Variants in IGF1R observed in about 807,000 individuals in gnomAD.
The protein encoded by IGF1R is insulin like growth factor 1 receptor, also known as insulin-like growth factor 1 receptor.
Under a neutral mutation model 144.6 loss-of-function variants are expected in IGF1R, and 44 were observed. The ratio of observed to expected loss-of-function variants is 0.30; its 90% CI spans 0.24 to 0.39. The LOEUF (loss-of-function observed/expected upper bound fraction) is 0.39. Ranked by LOEUF, IGF1R falls within the 10% of genes least tolerant of loss-of-function variation. IGF1R has a pLI of 1.00. For missense variants in IGF1R, 1,355 were observed against 1,833.7 expected (o/e 0.74, Z 4.77); for synonymous variants, 795 against 722.8 (o/e 1.10, Z -1.60).
chr15:98,885,382 G>A (rs192585513), intron 2 of IGF1R, among the ~76,000 whole-genome samples: 3 of 152,250 alleles, frequency 2.0e-5, no homozygotes, highest in Admixed American at 6.5e-5. Context: ...AGAGCCCCTC[G>A]CTTGCCCTCA....
At chr15:98,671,183 T>G (rs1425556326) in intron 1 of IGF1R, among the ~76,000 whole-genome samples, 1 of 152,234 alleles carries the variant, frequency 6.6e-6, no homozygotes, top group Admixed American at 6.5e-5. Context: ...CTGAAAGCAT[T>G]CATGCAGGTT....
chr15:98,824,304 C>A (rs1365568387), intron 2 of IGF1R: 1 of 152,230 alleles, frequency 6.6e-6, no homozygotes, highest in African/African-American at 2.4e-5. Context: ...CTATCTCTTT[C>A]ACTCTTCTGA....
intron 14 of IGF1R, 36 bp downstream of exon 14, chr15:98,929,696 C>A (rs2151701837): frequency 1.5e-6 from 2 of 1,377,512 alleles, no homozygotes; most frequent in Non-Finnish European, 2.1e-6. Context: ...CTTTCTGTGG[C>A]TGAGTGGTTT....
intron 2 of IGF1R, chr15:98,873,954 ACTG>A (rs1165419364): frequency 6.6e-6 from 1 of 152,218 alleles, no homozygotes; most frequent in Non-Finnish European, 1.5e-5. Context: ...TCCGGTCAGA[ACTG>A]CTGCCTACCA....
chr15:98,924,489 T>G (rs1036367329), intron 12 of IGF1R, 36 bp from the exon 13 acceptor site: 1 of 1,611,144 alleles, frequency 6.2e-7, no homozygotes, highest in Middle Eastern at 1.7e-4. Context: ...TCTCCTGCAT[T>G]CATGGGAAAT....
rs1201603650 is a variant in IGF1R at position 98,911,332 on chromosome 15, C to T, written c.1480C>T (p.His494Tyr). The change falls in exon 7 of 21, where the codon CAT (histidine) becomes TAT (tyrosine). Residue 494 changes from histidine (H) to tyrosine (Y), a missense_variant. Around this residue, in one of 7 missense-constraint regions of IGF1R, gnomAD observed 880 missense variants for 1,202.7 expected, o/e 0.73. Transcript: ENST00000650285. ...ERASCESDVL[H>Y]FTSTTTSKNR... ...TGCCCCAGGTGAAAGTGACGTCCTGCATTTCACCTCCACCACCACGTCGAA... is the reference window on the plus strand; with the variant it reads ...TGCCCCAGGTGAAAGTGACGTCCTGTATTTCACCTCCACCACCACGTCGAA... 3.1e-6 allele frequency: 5 copies of T among 1,614,156 alleles called. No individual in the cohort carries two copies. The African/African-American group carries it at 4.0e-5, about 13-fold the overall frequency.
intron 1 of IGF1R, 84 bp downstream of exon 1, chr15:98,649,759 A>G: frequency 1.9e-6 from 2 of 1,055,714 alleles, no homozygotes; most frequent in East Asian, 5.0e-5. Flanking sequence ...CCGAGTTGCC[A>G]CCGTCGCAGC....
chr15:98,659,262 G>A (rs1196871072), intron 1 of IGF1R, among the ~76,000 whole-genome samples: 1 of 152,022 alleles, frequency 6.6e-6, no homozygotes, highest in Non-Finnish European at 1.5e-5. Context: ...GTAAACGATG[G>A]TCATCCCCCT....
chr15:98,693,351 T>G (rs1180733350), intron 1 of IGF1R, among the ~76,000 whole-genome samples: 1 of 152,198 alleles, frequency 6.6e-6, no homozygotes, highest in East Asian at 1.9e-4. Context: ...TTTGAGACTT[T>G]GGGTTTTGTT....
chr15:98,679,759 A>G (rs958727220), intron 1 of IGF1R, among the ~76,000 whole-genome samples: 7 of 152,232 alleles, frequency 4.6e-5, no homozygotes, highest in African/African-American at 1.7e-4. Context: ...CAGGTCCTTC[A>G]GGAGGTATCC....
At chr15:98,731,015 C>T (rs994577021) in intron 2 of IGF1R, among the ~76,000 whole-genome samples, 1 of 152,214 alleles carries the variant, frequency 6.6e-6, no homozygotes, top group African/African-American at 2.4e-5. Flanking sequence ...AGCTAACTTC[C>T]AGCAAGGCTG....
chr15:98,749,988 A>G (rs2054968698), intron 2 of IGF1R, among the ~76,000 whole-genome samples: 1 of 151,490 alleles, frequency 6.6e-6, no homozygotes, highest in Non-Finnish European at 1.5e-5. Flanking sequence ...CTTCTATCCC[A>G]GAAGGACCAT....
At chr15:98,774,903 T>C (rs1460588543) in intron 2 of IGF1R, among the ~76,000 whole-genome samples, 3 of 152,002 alleles carry the variant, frequency 2.0e-5, no homozygotes, top group Non-Finnish European at 4.4e-5. Context: ...AGTACTCGAC[T>C]CATTATTGGA....
Position 98,957,412 on chromosome 15 carries a change from C to G in IGF1R, c.4074C>G (p.Ala1358=). 6.2e-7 allele frequency: 1 copy of G among 1,613,260 alleles called. No homozygotes were observed. The highest frequency in any genetic ancestry group is 8.5e-7 in the Non-Finnish European group (1 of 1,180,050). Residue 1358 remains alanine, a synonymous_variant, in exon 21 of 21, where the codon GCC becomes GCG. Transcript: ENST00000650285. ...ACGGGGGCCGCAAGAACGAGCGGGC[C>G]TTGCCGCTGCCCCAGTCTTCGACCT... ...HMNGGRKNER[A]LPLPQSSTC
In IGF1R at chr15:98,963,170, CACT is replaced by C. The variant is rs1442380988; in HGVS notation, c.*5729_*5731del. On this transcript the variant is annotated 3_prime_UTR_variant, in exon 21 of 21. Transcript: ENST00000650285. The stretch of plus-strand genomic sequence containing the variant: ...ATAATTGCCGAAAATAATTTAAAGA[CACT>C]TTTTTTTTCTCTGTGTGTGCAAATG... 1 of 228,240 alleles carries C rather than the reference CACT, an allele frequency of 4.4e-6. No homozygotes were observed. Among genetic ancestry groups the C allele is most frequent in the Non-Finnish European group, 8.5e-6 (1 of 117,142 alleles). 14.1% of individuals were successfully genotyped at this position (228,240 alleles called of 1,614,324 possible).
intron 2 of IGF1R, among the ~76,000 whole-genome samples, chr15:98,880,028 ATTG>A (rs1475518115): frequency 6.6e-6 from 1 of 152,182 alleles, no homozygotes; most frequent in African/African-American, 2.4e-5. Context: ...TGATGAAAAT[ATTG>A]TTAAGATTAA....
intron 1 of IGF1R, among the ~76,000 whole-genome samples, chr15:98,705,724 T>G (rs2053845641): frequency 6.6e-6 from 1 of 152,170 alleles, no homozygotes; most frequent in African/African-American, 2.4e-5. Context: ...CTTCTCTCCC[T>G]CGTCTGTTCA....
At position 98,770,529 on chromosome 15, in the gene IGF1R, A is replaced by G. The variant is rs2055558975; in HGVS notation, c.640+62422A>G. ...GATGGATATCCTAATTATTCTGATCATTATACATTGCATACATGTTTCAAA... is the reference window on the plus strand; with the variant it reads ...GATGGATATCCTAATTATTCTGATCGTTATACATTGCATACATGTTTCAAA... On this transcript the variant is annotated intron_variant, in intron 2 of 20. Coordinates refer to ENST00000650285, the MANE Select transcript of IGF1R (RefSeq NM_000875.5). Among the ~76,000 whole-genome samples, 3 of 152,232 alleles carry G rather than the reference A, an allele frequency of 2.0e-5. No individual in the cohort carries two copies. The South Asian group carries it at 6.2e-4, about 32-fold the overall frequency.
intron 2 of IGF1R, among the ~76,000 whole-genome samples, chr15:98,711,771 G>A (rs750654334): frequency 2.0e-5 from 3 of 152,108 alleles, no homozygotes; most frequent in Middle Eastern, 3.4e-3. Context: ...TCCTGACATA[G>A]TCCATTCAGG....
Sources: allele counts gnomAD v4.1 joint callset (sites outside exome capture counted in the v4.1 genomes callset), GRCh38; gene constraint gnomAD v4.1.1; regional missense constraint gnomAD v4.1.1; transcripts MANE v1.5; gene names NCBI Gene and HGNC (gene_info 2026-07-23, HGNC 2026-07-21).